The following STPG2 variants were observed in gnomAD, a reference collection of about 807,000 sequenced individuals.
STPG2 encodes the protein sperm-tail PG-rich repeat-containing protein 2.
STPG2 carries 56 observed loss-of-function variants against 54.2 expected under a neutral mutation model. The ratio of observed to expected loss-of-function variants is 1.03; its 90% CI spans 0.83 to 1.29. STPG2 has a LOEUF of 1.29. Ranked by LOEUF, STPG2 falls within the 50% of genes most tolerant of loss-of-function variation. The pLI is 0.00. For synonymous variants in STPG2, 200 were observed against 181.8 expected (o/e 1.10, Z -0.81); for missense variants, 596 against 544.9 (o/e 1.09, Z -0.93).
intron 10 of STPG2, among the ~76,000 whole-genome samples, chr4:97,615,697 T>C (rs1733843102): frequency 1.3e-5 from 2 of 152,008 alleles, no homozygotes; most frequent in African/African-American, 4.8e-5. Context: ...GCAGAAATGT[T>C]GGAATGGTTC....
rs1222530013 is a variant in STPG2, at chr4:97,676,622, A to T, written c.1320+36077T>A. On this transcript the variant is annotated intron_variant, in intron 10 of 10. Coordinates refer to ENST00000295268, the MANE Select transcript of STPG2 (RefSeq NM_174952.3). The stretch of plus-strand genomic sequence containing the variant: ...GGGGGGATGGGCAAGACTGTATTAG[A>T]TTAAAAGGCAGTAAAACCCTTGCCC... 5.9e-5 allele frequency among the ~76,000 whole-genome samples: 9 copies of T among 151,954 alleles called. No homozygotes were observed. The South Asian group carries it at 1.0e-3, about 18-fold the overall frequency.
intron 8 of STPG2, among the ~76,000 whole-genome samples, chr4:97,936,353 C>G (rs1732745920): frequency 6.6e-6 from 1 of 152,102 alleles, no homozygotes; most frequent in Non-Finnish European, 1.5e-5. Context: ...TGCTTTTTAA[C>G]TGGGGCATTT....
At chr4:97,816,241 T>G (rs2149100720) in intron 9 of STPG2, among the ~76,000 whole-genome samples, 1 of 152,302 alleles carries the variant, frequency 6.6e-6, no homozygotes, top group South Asian at 2.1e-4. Flanking sequence ...TAGTACTCCA[T>G]GGTATATATG....
rs1416515822 is a variant in STPG2 at position 97,855,309 on chromosome 4, C to T, written c.1045-14377G>A. Among the ~76,000 whole-genome samples the T allele has an allele frequency of 5.3e-5, 8 of 152,194 alleles. No individual in the cohort carries two copies. The South Asian group carries it at 1.5e-3, about 28-fold the overall frequency. Reference sequence around the variant, plus strand: ...ATTGCTGAGTCAAATGGTATTTCTGCCTCTCAGTCTTTGAAGAATCGCCGC... The same window carrying T: ...ATTGCTGAGTCAAATGGTATTTCTGTCTCTCAGTCTTTGAAGAATCGCCGC... On this transcript the variant is annotated intron_variant, in intron 8 of 10. Transcript: ENST00000295268.
At chr4:97,544,450 G>T (rs1467309893) in intron 4 of STPG2, among the ~76,000 whole-genome samples, 1 of 151,808 alleles carries the variant, frequency 6.6e-6, no homozygotes, top group Non-Finnish European at 1.5e-5. Context: ...CATTCATGAG[G>T]GAAACACAGA....
At chr4:97,859,650 A>G (rs1019124801) in intron 8 of STPG2, among the ~76,000 whole-genome samples, 43 of 151,912 alleles carry the variant, frequency 2.8e-4, no homozygotes, top group African/African-American at 9.6e-4. Context: ...TTTTTAGTAG[A>G]GATGGGGATT....
intron 4 of STPG2, among the ~76,000 whole-genome samples, chr4:97,526,777 T>C (rs1189502698): frequency 6.6e-6 from 1 of 152,156 alleles, no homozygotes; most frequent in Admixed American, 6.6e-5. Flanking sequence ...TGGTATTGCC[T>C]AGGTTTTCTT....
intron 9 of STPG2, among the ~76,000 whole-genome samples, chr4:97,780,720 T>A (rs1231045971): frequency 6.6e-6 from 1 of 151,180 alleles, no homozygotes; most frequent in Non-Finnish European, 1.5e-5. Context: ...ACAGAAATTA[T>A]AACAAACTGT....
chr4:97,973,937 A>G (rs1734420897), intron 6 of STPG2, among the ~76,000 whole-genome samples: 1 of 152,200 alleles, frequency 6.6e-6, no homozygotes, highest in Non-Finnish European at 1.5e-5. Context: ...TAGTGGAGCT[A>G]TGAGAAGAGG....
intron 10 of STPG2, among the ~76,000 whole-genome samples, chr4:97,695,216 C>A (rs909422301): frequency 8.6e-5 from 13 of 151,590 alleles, no homozygotes; most frequent in Non-Finnish European, 1.8e-4. Context: ...GTGTGATATA[C>A]CACATAAACA....
chr4:97,993,143 G>A (rs1470485558), intron 5 of STPG2, among the ~76,000 whole-genome samples: 1 of 152,038 alleles, frequency 6.6e-6, no homozygotes. Context: ...GATGAAAGTG[G>A]GCATCCTGGT....
Position 98,107,169 on chromosome 4 carries a change from AT to A in STPG2, c.501-1106del, listed in dbSNP as rs555228718. On this transcript the variant is annotated intron_variant, in intron 4 of 10. Transcript: ENST00000295268. ...TGGAATATCAGAAATGTCACATATC[AT>A]TTAGGTCTGTATCTTTACCAAAAAG... Among the ~76,000 whole-genome samples, 15 of 152,310 alleles carry A rather than the reference AT, an allele frequency of 9.8e-5. No individual in the cohort carries two copies. In the East Asian group the frequency reaches 2.9e-3, roughly 29 times the overall value.
At chr4:97,848,041 A>G (rs1729011169) in intron 8 of STPG2, among the ~76,000 whole-genome samples, 1 of 152,164 alleles carries the variant, frequency 6.6e-6, no homozygotes, top group African/African-American at 2.4e-5. Flanking sequence ...AAACTGTTGT[A>G]CTAAAAATGA....
At chr4:97,737,940 A>T (rs1486852216) in intron 9 of STPG2, among the ~76,000 whole-genome samples, 1 of 152,212 alleles carries the variant, frequency 6.6e-6, no homozygotes, top group Non-Finnish European at 1.5e-5. Flanking sequence ...TGAAGGAAAA[A>T]ATGTTAAGGG....
At chr4:97,452,993 C>A (rs749228566) in intron 4 of STPG2, among the ~76,000 whole-genome samples, 1 of 152,192 alleles carries the variant, frequency 6.6e-6, no homozygotes, top group Admixed American at 6.5e-5. Flanking sequence ...AACTCAGAAC[C>A]CACCGAATGG....
chr4:97,606,769 T>C (rs1267742445), intron 10 of STPG2, among the ~76,000 whole-genome samples: 3 of 152,024 alleles, frequency 2.0e-5, no homozygotes, highest in Admixed American at 6.6e-5. Context: ...CCTCTAAACA[T>C]ATGTGTTTTT....
chr4:97,955,137 T>G (rs565485518), intron 7 of STPG2, among the ~76,000 whole-genome samples: 22 of 152,030 alleles, frequency 1.4e-4, no homozygotes, highest in Non-Finnish European at 2.4e-4. Context: ...TGAAAAAAAG[T>G]AGTGAATTAA....
intron 10 of STPG2, among the ~76,000 whole-genome samples, chr4:97,642,249 A>C (rs565652174): frequency 1.5e-4 from 23 of 151,504 alleles, no homozygotes; most frequent in Admixed American, 4.6e-4. Context: ...TAACATCAAT[A>C]AACCTCATAA....
At chr4:97,681,819 T>G (rs1184837966) in intron 10 of STPG2, among the ~76,000 whole-genome samples, 1 of 151,832 alleles carries the variant, frequency 6.6e-6, no homozygotes, top group Non-Finnish European at 1.5e-5. Flanking sequence ...ATGTCTGTCT[T>G]TTTCTTCTGT....
Sources: allele counts gnomAD v4.1 joint callset (sites outside exome capture counted in the v4.1 genomes callset), GRCh38; gene constraint gnomAD v4.1.1; transcripts MANE v1.5; gene names NCBI Gene and HGNC (gene_info 2026-07-23, HGNC 2026-07-21).